The following NFIB variants were observed in gnomAD, a reference collection of about 807,000 sequenced individuals.
NFIB encodes the protein nuclear factor 1 B-type.
NFIB carries 11 observed loss-of-function variants against 61.5 expected under a neutral mutation model. That is an observed-to-expected ratio of 0.18 (90% CI 0.11 to 0.30). NFIB has a LOEUF of 0.30. Among genes scored for constraint, NFIB ranks in the 10% least tolerant of loss-of-function variants. NFIB has a pLI of 1.00. For missense variants in NFIB, 471 were observed against 608.9 expected, an observed-to-expected ratio of 0.77 and a Z score of 2.38; for synonymous variants, 260 against 216.5, an observed-to-expected ratio of 1.20 and a Z score of -1.76.
chr9:14,402,440 C>A (rs1454440918), upstream of NFIB, among the ~76,000 whole-genome samples: 6 of 151,974 alleles, frequency 3.9e-5, no homozygotes, highest in Admixed American at 3.9e-4. Flanking sequence ...AGTAAAGGTC[C>A]TTTTTTTAAT....
chr9:14,451,632 C>T, the NFIB span, among the ~76,000 whole-genome samples: 1 of 152,148 alleles, frequency 6.6e-6, no homozygotes, highest in Non-Finnish European at 1.5e-5. Context: ...TACAAGTATC[C>T]AGTTGCCACA....
chr9:14,372,399 T>C (rs1383615935), intron 1 of NFIB, among the ~76,000 whole-genome samples: 2 of 152,224 alleles, frequency 1.3e-5, no homozygotes, highest in Non-Finnish European at 2.9e-5. Flanking sequence ...ACAGAATTTA[T>C]ATAAGATCTA....
At chr9:14,284,420 A>T (rs535886299) in intron 2 of NFIB, among the ~76,000 whole-genome samples, 1 of 152,174 alleles carries the variant, frequency 6.6e-6, no homozygotes, top group Non-Finnish European at 1.5e-5. Flanking sequence ...GAAACCAAAA[A>T]AATGAATGTA....
chr9:14,455,100 G>A, the NFIB span, among the ~76,000 whole-genome samples: 1 of 152,192 alleles, frequency 6.6e-6, no homozygotes, highest in African/African-American at 2.4e-5. Flanking sequence ...TGACTGTCAG[G>A]ATGCCTGGCA....
At chr9:14,347,471 A>T (rs1231819941) in intron 1 of NFIB, 1 of 152,404 alleles carries the variant, frequency 6.6e-6, no homozygotes, top group Admixed American at 6.5e-5. Context: ...GAGCTGGCAA[A>T]GCGCGAGAAA....
At chr9:14,499,318 C>G in the NFIB span, among the ~76,000 whole-genome samples, 1 of 151,968 alleles carries the variant, frequency 6.6e-6, no homozygotes, top group African/African-American at 2.4e-5. Flanking sequence ...GAGAGAGGAC[C>G]CAGCCCAAGG....
At chr9:14,409,900 G>C in the NFIB span, among the ~76,000 whole-genome samples, 1 of 152,186 alleles carries the variant, frequency 6.6e-6, no homozygotes, top group African/African-American at 2.4e-5. Flanking sequence ...ATGAAAAATT[G>C]ATGTTAAAAC....
intron 1 of NFIB, among the ~76,000 whole-genome samples, chr9:14,349,196 G>C (rs940898881): frequency 6.6e-6 from 1 of 152,220 alleles, no homozygotes; most frequent in Non-Finnish European, 1.5e-5. Flanking sequence ...TTTGTAGCCT[G>C]TTGGGAGAAT....
Position 14,125,659 on chromosome 9 carries a change from G to T in NFIB, c.1033C>A (p.Pro345Thr), listed in dbSNP as rs1444607705. ...CTGTGTGCAACTCCAGGTATTCCGGGATGGTGGTGCTGGGGGAAAGTGCTC... is the reference window on the plus strand; with the variant it reads ...CTGTGTGCAACTCCAGGTATTCCGGTATGGTGGTGCTGGGGGAAAGTGCTC... ...RLSTFPQHHHPGIPGVAHSVI... is the reference protein window; with the variant it reads ...RLSTFPQHHHTGIPGVAHSVI... Residue 345 changes from proline to threonine, a missense_variant, in exon 7 of 11, where the codon CCC becomes ACC. By Grantham distance (38) the Pro-to-Thr change is conservative. Around this residue, in one of 2 missense-constraint regions of NFIB, gnomAD observed 372 missense variants for 395.6 expected, o/e 0.94. Coordinates refer to ENST00000380953, the MANE Select transcript of NFIB (RefSeq NM_001190737.2). 4 of 1,614,170 alleles carry T rather than the reference G, an allele frequency of 2.5e-6. No individual in the cohort carries two copies. In the Admixed American group the frequency reaches 6.7e-5, roughly 27 times the overall value.
At chr9:14,473,934 C>T in the NFIB span, among the ~76,000 whole-genome samples, 2 of 152,172 alleles carry the variant, frequency 1.3e-5, no homozygotes, top group Non-Finnish European at 2.9e-5. Flanking sequence ...GACTGTGGCA[C>T]AGGCTTCAGT....
At position 14,091,435 on chromosome 9, in the gene NFIB, C is replaced by T. The variant is rs183646703; in HGVS notation, c.1468-3109G>A. On this transcript the variant is annotated intron_variant, in intron 10 of 10. Coordinates refer to ENST00000380953, the MANE Select transcript of NFIB (RefSeq NM_001190737.2). Reference sequence around the variant, plus strand: ...CTAACTCTATATAAAAATCAATAATCACATGTATGGATAAAATAAACACAC... The same window carrying T: ...CTAACTCTATATAAAAATCAATAATTACATGTATGGATAAAATAAACACAC... 3.8e-4 allele frequency among the ~76,000 whole-genome samples: 58 copies of T among 151,988 alleles called. 1 individual carries two copies. The East Asian group carries it at 8.9e-3, about 23-fold the overall frequency.
chr9:14,398,411 G>T (rs2061709028), intron 1 of NFIB: 4 of 705,106 alleles, frequency 5.7e-6, no homozygotes, highest in Non-Finnish European at 6.8e-6. Flanking sequence ...GCAACAGGAA[G>T]GACCTTCTCT....
chr9:14,248,814 C>A (rs1416783897), intron 2 of NFIB, among the ~76,000 whole-genome samples: 1 of 152,148 alleles, frequency 6.6e-6, no homozygotes, highest in Non-Finnish European at 1.5e-5. Context: ...ACATTTTCCT[C>A]CCCACTGGGT....
chr9:14,224,786 T>C (rs1357724710), intron 2 of NFIB, among the ~76,000 whole-genome samples: 1 of 152,224 alleles, frequency 6.6e-6, no homozygotes, highest in Non-Finnish European at 1.5e-5. Flanking sequence ...CAAAATACCA[T>C]GGAACGACTG....
rs924477038 is a variant in NFIB at position 14,083,098 on chromosome 9, A to T, written c.*5211T>A. On this transcript the variant is annotated 3_prime_UTR_variant, in exon 11 of 11. Coordinates refer to ENST00000380953, the MANE Select transcript of NFIB (RefSeq NM_001190737.2). ...TAACTAGTGAACCCTTTTATTATTA[A>T]AAAAAAAAAAAAACTACTTACAACC... 7 of 13,596 alleles carry T rather than the reference A, an allele frequency of 5.1e-4. No individual in the cohort carries two copies. The highest frequency in any genetic ancestry group is 2.4e-3 in the African/African-American group (1 of 414). 0.8% of individuals were successfully genotyped at this position (13,596 alleles called of 1,614,324 possible).
At chr9:14,470,857 T>C in the NFIB span, among the ~76,000 whole-genome samples, 2 of 152,114 alleles carry the variant, frequency 1.3e-5, no homozygotes, top group Non-Finnish European at 2.9e-5. Flanking sequence ...TTCACCCTCA[T>C]AGGCCTCAGT....
chr9:14,129,869 T>C (rs1305622667), intron 6 of NFIB, among the ~76,000 whole-genome samples: 1 of 152,106 alleles, frequency 6.6e-6, no homozygotes, highest in Admixed American at 6.6e-5. Flanking sequence ...ATAAAGCAGC[T>C]GAAAAGAGAT....
chr9:14,125,318 A>G (rs560512425), intron 7 of NFIB, among the ~76,000 whole-genome samples: 9 of 151,932 alleles, frequency 5.9e-5, no homozygotes, highest in African/African-American at 2.2e-4. Flanking sequence ...CCACCATGCC[A>G]GGCTAATTTT....
At chr9:14,521,134 C>A in the NFIB span, among the ~76,000 whole-genome samples, 1 of 152,090 alleles carries the variant, frequency 6.6e-6, no homozygotes, top group Non-Finnish European at 1.5e-5. Context: ...GTGAGCAGGA[C>A]AAAGAAAGAT....
Sources: allele counts gnomAD v4.1 joint callset (sites outside exome capture counted in the v4.1 genomes callset), GRCh38; gene constraint gnomAD v4.1.1; regional missense constraint gnomAD v4.1.1; transcripts MANE v1.5; gene names NCBI Gene and HGNC (gene_info 2026-07-23, HGNC 2026-07-21).